ABLIM3: variants seen among roughly 807,000 people sequenced by gnomAD.
ABLIM3 encodes actin-binding LIM protein 3.
A neutral mutation model predicts 109.5 loss-of-function variants in ABLIM3; 61 were observed. The ratio of observed to expected loss-of-function variants is 0.56; its 90% confidence interval spans 0.45 to 0.69. The LOEUF (loss-of-function observed/expected upper bound fraction) is 0.69, where lower values mean the gene tolerates loss of function less well. Ranked by LOEUF, ABLIM3 falls within the 30% of genes least tolerant of loss-of-function variation. ABLIM3 has a pLI of 0.00. For synonymous variants in ABLIM3, 300 were observed against 324.8 expected, an observed-to-expected ratio of 0.92 and a Z score of 0.82; for missense variants, 796 against 889.5, an observed-to-expected ratio of 0.89 and a Z score of 1.34.
Position 149,259,609 on chromosome 5 carries a change from A to G in ABLIM3, c.*1205A>G. ...AATGAAGTGTTGGCCAACACCGCTC[A>G]TGGCCATCCTGGATTTTCCCAGTGG... On this transcript the variant is annotated 3_prime_UTR_variant, in exon 24 of 24. Coordinates refer to ENST00000309868, the MANE Select transcript of ABLIM3 (RefSeq NM_014945.5). The G allele has an allele frequency of 6.5e-7, 1 of 1,533,040 alleles. No homozygotes were observed. The highest frequency in any genetic ancestry group is 8.7e-7 in the Non-Finnish European group (1 of 1,144,038). The allele number at this position is 1,533,040 out of a possible 1,614,324, so 95.0% of individuals were successfully genotyped here. A position where few individuals can be genotyped will look rare whatever the true frequency, so the allele number is the denominator to read the frequency against.
At position 149,247,681 on chromosome 5, in the gene ABLIM3, G is replaced by T. The variant is rs770227557; in HGVS notation, c.1552-101G>T. 1.2e-5 allele frequency: 17 copies of T among 1,468,324 alleles called. No homozygotes were observed. The South Asian group carries it at 1.8e-4, about 16-fold the overall frequency. The allele number at this position is 1,468,324 out of a possible 1,614,324, so 91.0% of individuals were successfully genotyped here. On this transcript the variant is annotated intron_variant, in intron 17 of 23. Transcript: ENST00000309868. Reference sequence around the variant, plus strand: ...GCTGGGAAGGCAAACATGAGAGCAGGCTGCTATGGAGGATGTGATCCTCAG... The same window carrying T: ...GCTGGGAAGGCAAACATGAGAGCAGTCTGCTATGGAGGATGTGATCCTCAG...
At chr5:149,141,951 G>C in intron 1 of ABLIM3, 58 bp from the exon 2 acceptor site, 1 of 1,174,888 alleles carries the variant, frequency 8.5e-7, no homozygotes. Flanking sequence ...GGACAGCAGA[G>C]GGAGAGAGAG....
At chr5:149,165,942 G>T (rs1754780592) in intron 2 of ABLIM3, among the ~76,000 whole-genome samples, 1 of 152,154 alleles carries the variant, frequency 6.6e-6, no homozygotes, top group Admixed American at 6.5e-5. Context: ...CCCTCAAAGG[G>T]TTGCTTTTAT....
In ABLIM3 at chr5:149,247,892, C is replaced by T. The variant is rs757717719; in HGVS notation, c.1662C>T (p.Ala554=). ...PPRSSTSSRE[A]LHTAGYEMSL... is the part of the protein sequence containing the mutation. The stretch of plus-strand genomic sequence containing the variant: ...GGAGCTCCACCAGCAGCCGGGAAGC[C>T]CTGCACACAGCTGGCTATGAGATGT... Residue 554 remains alanine (A), a synonymous_variant, in exon 18 of 24, where the codon GCC becomes GCT. Coordinates refer to ENST00000309868, the MANE Select transcript of ABLIM3 (RefSeq NM_014945.5). 2 of 1,614,218 alleles carry T rather than the reference C, an allele frequency of 1.2e-6. No homozygotes were observed. The highest frequency in any genetic ancestry group is 1.1e-5 in the South Asian group (1 of 91,072).
In ABLIM3 at chr5:149,200,345, C is replaced by T; in HGVS notation, c.365C>T (p.Thr122Ile). The T allele has an allele frequency of 6.2e-7, 1 of 1,614,212 alleles. No homozygotes were observed. The highest frequency in any genetic ancestry group is 8.5e-7 in the Non-Finnish European group (1 of 1,180,026). Residue 122 changes from threonine to isoleucine, a missense_variant, in exon 5 of 24, where the codon ACC becomes ATC. Transcript: ENST00000309868. ...RKPFPIGDKVTFSGKECVCQT... is the reference protein window; with the variant it reads ...RKPFPIGDKVIFSGKECVCQT... The stretch of plus-strand genomic sequence containing the variant: ...CCTTTCCCCATTGGAGACAAGGTGA[C>T]CTTCAGCGGTAAAGAATGTGTGTGC...
At chr5:149,228,189 G>A (rs566924859) in intron 8 of ABLIM3, among the ~76,000 whole-genome samples, 2 of 152,200 alleles carry the variant, frequency 1.3e-5, no homozygotes, top group Non-Finnish European at 2.9e-5. Context: ...GTTCTTAGGT[G>A]TTAAATGTTC....
At chr5:149,249,709 C>A in intron 18 of ABLIM3, 106 bp from the exon 19 acceptor site, 2 of 1,396,072 alleles carry the variant, frequency 1.4e-6, no homozygotes, top group Non-Finnish European at 2.0e-6. Context: ...TCCCAGCCAG[C>A]CAGGGGGATC....
intron 23 of ABLIM3, among the ~76,000 whole-genome samples, chr5:149,257,281 C>G (rs1168744621): frequency 7.1e-6 from 1 of 141,758 alleles, no homozygotes; most frequent in Non-Finnish European, 1.5e-5. Flanking sequence ...GCCTGGGTGA[C>G]AAAGCAAAAC....
intron 2 of ABLIM3, among the ~76,000 whole-genome samples, chr5:149,169,647 AAG>A (rs1755187168): frequency 6.6e-6 from 1 of 152,168 alleles, no homozygotes; most frequent in Non-Finnish European, 1.5e-5. Context: ...TCCTCCAGTA[AAG>A]AGAGAGTCTG....
chr5:149,226,899 C>G (rs1761344834), intron 8 of ABLIM3, among the ~76,000 whole-genome samples: 1 of 152,046 alleles, frequency 6.6e-6, no homozygotes, highest in South Asian at 2.1e-4. Context: ...AGAGAAACCC[C>G]ATCTCTACTA....
In ABLIM3 at chr5:149,230,400, A is replaced by C. The variant is rs555873503; in HGVS notation, c.758-249A>C. 5.3e-5 allele frequency among the ~76,000 whole-genome samples: 8 copies of C among 152,306 alleles called. No homozygotes were observed. The East Asian group carries it at 1.5e-3, about 29-fold the overall frequency. On this transcript the variant is annotated intron_variant, in intron 8 of 23. Coordinates refer to ENST00000309868, the MANE Select transcript of ABLIM3 (RefSeq NM_014945.5). Reference sequence around the variant, plus strand: ...GTCACCCCCAACTGGCAGGTAAGAAAGTTTGCAAGAGGATGTCATGTGAGC... The same window carrying C: ...GTCACCCCCAACTGGCAGGTAAGAACGTTTGCAAGAGGATGTCATGTGAGC...
chr5:149,186,407 C>T (rs1756962225), intron 3 of ABLIM3, among the ~76,000 whole-genome samples: 1 of 151,594 alleles, frequency 6.6e-6, no homozygotes, highest in South Asian at 2.1e-4. Context: ...ATTGAGACTT[C>T]ATCTCAAAGA....
At chr5:149,227,722 A>G (rs1257246395) in intron 8 of ABLIM3, among the ~76,000 whole-genome samples, 2 of 152,202 alleles carry the variant, frequency 1.3e-5, no homozygotes, top group Non-Finnish European at 2.9e-5. Context: ...CAATATAGTG[A>G]ATATGTTTGT....
chr5:149,163,585 G>A (rs947170949), intron 2 of ABLIM3, among the ~76,000 whole-genome samples: 1 of 152,118 alleles, frequency 6.6e-6, no homozygotes, highest in Non-Finnish European at 1.5e-5. Context: ...TCCCGTGGCT[G>A]TCCCTCTGTG....
intron 2 of ABLIM3, among the ~76,000 whole-genome samples, chr5:149,144,318 T>C (rs1226773139): frequency 6.6e-6 from 1 of 152,134 alleles, no homozygotes; most frequent in African/African-American, 2.4e-5. Flanking sequence ...CTTAACTCCA[T>C]CATCATGGAG....
chr5:149,155,232 A>C (rs764564233), intron 2 of ABLIM3, among the ~76,000 whole-genome samples: 1 of 152,092 alleles, frequency 6.6e-6, no homozygotes, highest in African/African-American at 2.4e-5. Flanking sequence ...GGAGATCTCC[A>C]GGGGAAACAT....
chr5:149,160,451 G>C (rs1448677480), intron 2 of ABLIM3, among the ~76,000 whole-genome samples: 5 of 126,968 alleles, frequency 3.9e-5, no homozygotes, highest in African/African-American at 6.1e-5. Flanking sequence ...GAGTGAGTGA[G>C]ACTCCGTCTC....
intron 2 of ABLIM3, among the ~76,000 whole-genome samples, chr5:149,160,933 G>A (rs976190808): frequency 1.3e-5 from 2 of 152,218 alleles, no homozygotes; most frequent in African/African-American, 2.4e-5. Flanking sequence ...ATGAATGCCC[G>A]TGTTCATATC....
intron 3 of ABLIM3, among the ~76,000 whole-genome samples, chr5:149,193,879 G>C (rs4444958): frequency 0.43 from 64,966 of 152,032 alleles, 14,636 homozygotes; most frequent in East Asian, 0.68. Flanking sequence ...GATTAATTAT[G>C]CATGTGGGAG....
Sources: gnomAD v4.1 joint callset for allele counts (sites outside exome capture counted in the v4.1 genomes callset) on GRCh38, gnomAD v4.1.1 for gene constraint, MANE v1.5 for transcripts, NCBI Gene and HGNC (gene_info 2026-07-23, HGNC 2026-07-21) for gene names.